Variants in SNTG1 observed in about 807,000 individuals in gnomAD.
The protein encoded by SNTG1 is gamma-1-syntrophin.
A neutral mutation model predicts 74.7 loss-of-function variants in SNTG1; 39 were observed. The observed-to-expected ratio is 0.52, with a 90% CI of 0.40 to 0.68. SNTG1 has a LOEUF of 0.68. Among genes scored for constraint, SNTG1 ranks in the 30% least tolerant of loss-of-function variants. SNTG1 has a pLI of 0.00. For synonymous variants in SNTG1, 254 were observed against 217.1 expected, an observed-to-expected ratio of 1.17 and a Z score of -1.49; for missense variants, 685 against 609.5, an observed-to-expected ratio of 1.12 and a Z score of -1.30.
chr8:50,749,996 G>T (rs1488095182), intron 17 of SNTG1, among the ~76,000 whole-genome samples: 1 of 151,974 alleles, frequency 6.6e-6, no homozygotes, highest in Non-Finnish European at 1.5e-5. Context: ...CATAGATAAA[G>T]TGATTCCTCT....
intron 17 of SNTG1, among the ~76,000 whole-genome samples, chr8:50,734,951 A>T (rs1423958421): frequency 3.3e-5 from 2 of 60,698 alleles, no homozygotes; most frequent in African/African-American, 3.0e-4. Context: ...ATATGGACAT[A>T]TATATCTATA....
chr8:50,569,768 C>T (rs2094536737), intron 12 of SNTG1, among the ~76,000 whole-genome samples: 1 of 152,040 alleles, frequency 6.6e-6, no homozygotes, highest in African/African-American at 2.4e-5. Context: ...ATTTCTGAGT[C>T]CTAAAGTCTA....
At chr8:50,277,725 C>A (rs2088196415) in intron 2 of SNTG1, among the ~76,000 whole-genome samples, 1 of 152,166 alleles carries the variant, frequency 6.6e-6, no homozygotes, top group South Asian at 2.1e-4. Context: ...ATAACCTTTT[C>A]TGAGATATTA....
rs558100027 is a variant in SNTG1 at position 50,403,114 on chromosome 8, A to G, written c.162+770A>G. On this transcript the variant is annotated intron_variant, in intron 4 of 18. Transcript: ENST00000642720. ...GGCTTCTTTTTAGCAATGTTGCCGT[A>G]TGTGATCTCAGAAGAAAATTACAGA... is the stretch of plus-strand genomic sequence containing the variant. Among the ~76,000 whole-genome samples the G allele has an allele frequency of 1.9e-4, 29 of 152,354 alleles. No homozygotes were observed. In the South Asian group the frequency reaches 4.8e-3, roughly 25 times the overall value.
At chr8:50,697,626 T>C (rs2095409733) in intron 15 of SNTG1, among the ~76,000 whole-genome samples, 2 of 152,198 alleles carry the variant, frequency 1.3e-5, no homozygotes, top group South Asian at 4.1e-4. Context: ...TTGAGGGTTT[T>C]GAGCTTGTGC....
At chr8:50,238,016 T>C (rs1434182752) in intron 2 of SNTG1, among the ~76,000 whole-genome samples, 1 of 152,114 alleles carries the variant, frequency 6.6e-6, no homozygotes, top group Non-Finnish European at 1.5e-5. Context: ...CTGATTAAAA[T>C]TGTTGAGCCA....
chr8:50,110,392 G>A (rs974399749), intron 1 of SNTG1, among the ~76,000 whole-genome samples: 10 of 152,268 alleles, frequency 6.6e-5, no homozygotes, highest in Admixed American at 5.9e-4. Flanking sequence ...GTGCAGGCAG[G>A]ACTCTCATCA....
At chr8:50,029,222 T>C (rs763709758) in intron 1 of SNTG1, among the ~76,000 whole-genome samples, 88 of 152,164 alleles carry the variant, frequency 5.8e-4, no homozygotes, top group Non-Finnish European at 1.1e-3. Context: ...ATAATAGGTG[T>C]ATAAATTTAC....
intron 2 of SNTG1, among the ~76,000 whole-genome samples, chr8:50,279,252 A>G (rs1424716762): frequency 1.3e-5 from 2 of 152,218 alleles, no homozygotes; most frequent in Non-Finnish European, 2.9e-5. Context: ...AAAAATGCTC[A>G]TAAGAAATCA....
chr8:50,459,881 T>A (rs1450126389), intron 8 of SNTG1, among the ~76,000 whole-genome samples: 1 of 152,246 alleles, frequency 6.6e-6, no homozygotes, highest in Non-Finnish European at 1.5e-5. Context: ...TTTCATGGTA[T>A]ACATGCACCA....
At chr8:50,051,360 C>T (rs1459352013) in intron 1 of SNTG1, among the ~76,000 whole-genome samples, 1 of 151,878 alleles carries the variant, frequency 6.6e-6, no homozygotes, top group African/African-American at 2.4e-5. Flanking sequence ...ATTTTGTACA[C>T]TAGCAATATG....
intron 9 of SNTG1, among the ~76,000 whole-genome samples, chr8:50,503,832 G>T (rs2093984019): frequency 6.6e-6 from 1 of 152,306 alleles, no homozygotes; most frequent in Admixed American, 6.5e-5. Context: ...AAATAAAGCT[G>T]CTGGAAACGT....
Position 50,539,022 on chromosome 8 carries a change from T to C in SNTG1, c.680+2214T>C, listed in dbSNP as rs1331682193. On this transcript the variant is annotated intron_variant, in intron 11 of 18. Transcript: ENST00000642720. Reference sequence around the variant, plus strand: ...TTTTTTCAGTTCTAGTTTATCCTTTTAAAAATAACTTCTTTTTTGAAGTTT... The same window carrying C: ...TTTTTTCAGTTCTAGTTTATCCTTTCAAAAATAACTTCTTTTTTGAAGTTT... Among the ~76,000 whole-genome samples the C allele has an allele frequency of 1.3e-5, 2 of 152,316 alleles. 1 individual carries two copies. Among genetic ancestry groups the C allele is most frequent in the African/African-American group, 4.8e-5 (2 of 41,586 alleles).
intron 17 of SNTG1, among the ~76,000 whole-genome samples, chr8:50,712,970 G>T (rs1422941220): frequency 6.6e-6 from 1 of 152,206 alleles, no homozygotes; most frequent in Non-Finnish European, 1.5e-5. Flanking sequence ...ACATACGTGT[G>T]CATGTGTCTT....
intron 13 of SNTG1, among the ~76,000 whole-genome samples, chr8:50,593,380 A>C (rs1412213870): frequency 6.6e-6 from 1 of 152,104 alleles, no homozygotes; most frequent in African/African-American, 2.4e-5. Context: ...GAGGAAATAA[A>C]CCATTATAAA....
chr8:50,029,269 G>A (rs1362361595), intron 1 of SNTG1, among the ~76,000 whole-genome samples: 1 of 152,076 alleles, frequency 6.6e-6, no homozygotes. Context: ...GGCATACAAT[G>A]TGTAATAATC....
intron 1 of SNTG1, among the ~76,000 whole-genome samples, chr8:50,086,270 GT>G (rs1261796034): frequency 6.6e-6 from 1 of 152,130 alleles, no homozygotes; most frequent in East Asian, 1.9e-4. Context: ...TTTTAGTGTT[GT>G]TTTTTCTCTC....
At chr8:50,167,567 C>G in intron 1 of SNTG1, among the ~76,000 whole-genome samples, 1 of 150,576 alleles carries the variant, frequency 6.6e-6, no homozygotes, top group East Asian at 1.9e-4. Context: ...GAGGCCTTGG[C>G]AGGCAGATTG....
chr8:50,029,900 T>C (rs1817603066), intron 1 of SNTG1, among the ~76,000 whole-genome samples: 1 of 152,136 alleles, frequency 6.6e-6, no homozygotes, highest in Non-Finnish European at 1.5e-5. Flanking sequence ...TAGTTCTATG[T>C]TCCATTTTCT....
Sources: gnomAD v4.1 joint callset for allele counts (sites outside exome capture counted in the v4.1 genomes callset) on GRCh38, gnomAD v4.1.1 for gene constraint, MANE v1.5 for transcripts, NCBI Gene and HGNC (gene_info 2026-07-23, HGNC 2026-07-21) for gene names.